The following MAPK10 variants were observed in gnomAD, a reference collection of about 807,000 sequenced individuals.
MAPK10 encodes the protein mitogen-activated protein kinase 10.
A neutral mutation model predicts 59.3 loss-of-function variants in MAPK10; 25 were observed. The ratio of observed to expected loss-of-function variants is 0.42; its 90% CI spans 0.31 to 0.59. The LOEUF is 0.59. MAPK10 is among the 20% of genes least tolerant of loss of function. The probability of loss-of-function intolerance (pLI) is 0.15; values close to 1 mark genes in which losing one functional copy is unlikely to be tolerated. For synonymous variants in MAPK10, 190 were observed against 200.5 expected, an observed-to-expected ratio of 0.95 and a Z score of 0.44; for missense variants, 351 against 568.9, an observed-to-expected ratio of 0.62 and a Z score of 3.90.
chr4:86,451,242 T>C (rs941099734), intron 1 of MAPK10, among the ~76,000 whole-genome samples: 1 of 152,168 alleles, frequency 6.6e-6, no homozygotes, highest in African/African-American at 2.4e-5. Context: ...GGTTTTTAAG[T>C]TTTTATGTCC....
chr4:86,260,810 T>C (rs1291576955), intron 2 of MAPK10, among the ~76,000 whole-genome samples: 1 of 152,168 alleles, frequency 6.6e-6, no homozygotes, highest in Non-Finnish European at 1.5e-5. Flanking sequence ...TAATATGAAT[T>C]ATAGTTACAT....
chr4:86,183,189 G>T (rs942163741), intron 3 of MAPK10, among the ~76,000 whole-genome samples: 8 of 151,828 alleles, frequency 5.3e-5, no homozygotes, highest in Admixed American at 3.9e-4. Flanking sequence ...TGCACATTGT[G>T]CAGGTTAGTT....
At chr4:86,374,420 T>A (rs552423268) in intron 1 of MAPK10, among the ~76,000 whole-genome samples, 16 of 152,174 alleles carry the variant, frequency 1.1e-4, no homozygotes, top group South Asian at 4.2e-4. Context: ...AAAAAATTTT[T>A]AAAAAGATGT....
chr4:86,063,469 G>A (rs1226975165), intron 11 of MAPK10, among the ~76,000 whole-genome samples: 1 of 152,082 alleles, frequency 6.6e-6, no homozygotes, highest in Non-Finnish European at 1.5e-5. Flanking sequence ...TAAGGGAGAA[G>A]GTAACATTCC....
chr4:86,047,703 T>A (rs1190263047), intron 11 of MAPK10, among the ~76,000 whole-genome samples: 2 of 152,188 alleles, frequency 1.3e-5, no homozygotes, highest in Non-Finnish European at 2.9e-5. Flanking sequence ...AACACCCTTC[T>A]TACTATGGGT....
At chr4:86,490,316 T>C (rs1754362003) in intron 1 of MAPK10, among the ~76,000 whole-genome samples, 1 of 152,136 alleles carries the variant, frequency 6.6e-6, no homozygotes, top group African/African-American at 2.4e-5. Flanking sequence ...GGAGAAAGAA[T>C]TGAGCAAGCT....
chr4:86,418,432 A>G (rs964951778), intron 1 of MAPK10, among the ~76,000 whole-genome samples: 1 of 152,230 alleles, frequency 6.6e-6, no homozygotes, highest in Admixed American at 6.5e-5. Flanking sequence ...TTCATTAAAG[A>G]TTTATGGCAA....
chr4:86,198,691 A>G (rs934836779), intron 2 of MAPK10, among the ~76,000 whole-genome samples: 1 of 151,930 alleles, frequency 6.6e-6, no homozygotes, highest in African/African-American at 2.4e-5. Flanking sequence ...TAAATAATAT[A>G]TATGCTAAGC....
Position 86,124,765 on chromosome 4 carries a change from G to C in MAPK10, c.237-17413C>G, listed in dbSNP as rs1046367028. ...CTTTAGATAAAGTTCTGAATTGTAT[G>C]ATCTATTTATATTCTATGTGGCACC... is the stretch of plus-strand genomic sequence containing the variant. On this transcript the variant is annotated intron_variant, in intron 4 of 13. Coordinates refer to ENST00000641462, the MANE Select transcript of MAPK10 (RefSeq NM_138982.4). 5.9e-5 allele frequency: 9 copies of C among 152,026 alleles called. 2 individuals are homozygous for C. The highest frequency in any genetic ancestry group is 1.3e-4 in the Admixed American group (2 of 15,242). The allele number at this position is 152,026 out of a possible 1,614,324, so 9.4% of individuals were successfully genotyped here. A position where few individuals can be genotyped will look rare whatever the true frequency, so the allele number is the denominator to read the frequency against.
chr4:86,324,424 A>T (rs1399469724), intron 2 of MAPK10, among the ~76,000 whole-genome samples: 7 of 136,946 alleles, frequency 5.1e-5, no homozygotes, highest in East Asian at 2.0e-4. Flanking sequence ...TCAAAAAAAT[A>T]AAAAAAAAAA....
chr4:86,531,543 C>T (rs768590684), intron 1 of MAPK10, among the ~76,000 whole-genome samples: 14 of 152,104 alleles, frequency 9.2e-5, no homozygotes, highest in Non-Finnish European at 1.9e-4. Context: ...GGGTGAACTC[C>T]CTGATTCCCT....
At chr4:86,525,141 CA>C (rs1757385443) in intron 1 of MAPK10, among the ~76,000 whole-genome samples, 1 of 151,780 alleles carries the variant, frequency 6.6e-6, no homozygotes, top group East Asian at 1.9e-4. Flanking sequence ...ACCAAAAATA[CA>C]AAAAATTAGC....
At chr4:86,070,052 G>A (rs910356973) in intron 9 of MAPK10, among the ~76,000 whole-genome samples, 4 of 152,096 alleles carry the variant, frequency 2.6e-5, no homozygotes, top group South Asian at 2.1e-4. Flanking sequence ...TCCTACCTTA[G>A]GTTGCTTTTA....
intron 4 of MAPK10, among the ~76,000 whole-genome samples, chr4:86,149,556 C>T (rs747001773): frequency 1.3e-5 from 2 of 152,150 alleles, no homozygotes; most frequent in Non-Finnish European, 2.9e-5. Flanking sequence ...CACGAGTCAC[C>T]GCACCCAACC....
intron 2 of MAPK10, among the ~76,000 whole-genome samples, chr4:86,317,112 G>A (rs1292157614): frequency 3.9e-5 from 6 of 152,024 alleles, no homozygotes; most frequent in South Asian, 4.1e-4. Context: ...TCCAAGAGGC[G>A]TGCCCACCAC....
intron 11 of MAPK10, among the ~76,000 whole-genome samples, chr4:86,041,378 C>T (rs1349431636): frequency 1.3e-5 from 2 of 152,002 alleles, no homozygotes; most frequent in Non-Finnish European, 2.9e-5. Flanking sequence ...CCATAAAAAC[C>T]CTAGAAGAAA....
intron 3 of MAPK10, among the ~76,000 whole-genome samples, chr4:86,168,031 C>T (rs2072458564): frequency 6.6e-6 from 1 of 152,206 alleles, no homozygotes. Context: ...TCAGCAAAGT[C>T]TCATGATAAA....
At chr4:86,364,764 C>T (rs747510535), upstream of MAPK10, among the ~76,000 whole-genome samples, 7 of 151,982 alleles carry the variant, frequency 4.6e-5, no homozygotes, top group African/African-American at 1.4e-4. Context: ...GTGGATCACT[C>T]GAGGTCAGGA....
chr4:86,108,020 A>G (rs1200229905), intron 4 of MAPK10, among the ~76,000 whole-genome samples: 1 of 152,154 alleles, frequency 6.6e-6, no homozygotes, highest in African/African-American at 2.4e-5. Context: ...TTAAGATGTG[A>G]TGTTAATTGC....
Sources: allele counts gnomAD v4.1 joint callset (sites outside exome capture counted in the v4.1 genomes callset), GRCh38; gene constraint gnomAD v4.1.1; transcripts MANE v1.5; gene names NCBI Gene and HGNC (gene_info 2026-07-23, HGNC 2026-07-21).